FRMD3: variants seen among roughly 807,000 people sequenced by gnomAD.
The protein encoded by FRMD3 is FERM domain-containing protein 3.
FRMD3 carries 33 observed loss-of-function variants against 70.2 expected under a neutral mutation model. That is an observed-to-expected ratio of 0.47 (90% CI 0.36 to 0.63). The LOEUF is 0.63. Among genes scored for constraint, FRMD3 ranks in the 20% least tolerant of loss-of-function variants. FRMD3 has a pLI of 0.00. For missense variants in FRMD3, 632 were observed against 711.4 expected, an observed-to-expected ratio of 0.89 and a Z score of 1.27; for synonymous variants, 279 against 255.9, an observed-to-expected ratio of 1.09 and a Z score of -0.86.
chr9:83,435,845 C>A (rs796892319), intron 1 of FRMD3, among the ~76,000 whole-genome samples: 15 of 152,258 alleles, frequency 9.9e-5, no homozygotes, highest in African/African-American at 3.6e-4. Context: ...CAAGAATATA[C>A]CTTTTTCTAT....
chr9:83,286,104 C>T (rs192866480), intron 13 of FRMD3, among the ~76,000 whole-genome samples: 1 of 152,290 alleles, frequency 6.6e-6, no homozygotes, highest in East Asian at 1.9e-4. Flanking sequence ...TGGGCAATAA[C>T]ACTCTGCCCA....
At chr9:83,541,397 G>T (rs1481690774), upstream of FRMD3, among the ~76,000 whole-genome samples, 1 of 152,214 alleles carries the variant, frequency 6.6e-6, no homozygotes, top group Non-Finnish European at 1.5e-5. Flanking sequence ...TGAGAAAAAG[G>T]AAATTCCCTG....
At chr9:83,381,480 C>T (rs1399749544) in intron 2 of FRMD3, among the ~76,000 whole-genome samples, 2 of 151,516 alleles carry the variant, frequency 1.3e-5, no homozygotes, top group Non-Finnish European at 1.5e-5. Context: ...TGCTTGAACC[C>T]GGGAGGCAGA....
chr9:83,552,769 T>C, the FRMD3 span, among the ~76,000 whole-genome samples: 1 of 152,174 alleles, frequency 6.6e-6, no homozygotes, highest in African/African-American at 2.4e-5. Context: ...GTTTGAAAAC[T>C]ATTTTTCTGA....
chr9:83,346,435 C>T (rs1356979864), intron 4 of FRMD3, among the ~76,000 whole-genome samples: 1 of 152,066 alleles, frequency 6.6e-6, no homozygotes, highest in East Asian at 1.9e-4. Context: ...TGAAAAGACG[C>T]CAGACCCAAA....
intron 3 of FRMD3, among the ~76,000 whole-genome samples, chr9:83,352,881 G>C (rs142963223): frequency 0.011 from 1,657 of 152,192 alleles, 41 homozygotes; most frequent in African/African-American, 0.038. Flanking sequence ...CATATCTGCT[G>C]TTGCTGAGTC....
At chr9:83,540,326 G>C (rs924677712), upstream of FRMD3, among the ~76,000 whole-genome samples, 1 of 152,108 alleles carries the variant, frequency 6.6e-6, no homozygotes, top group Non-Finnish European at 1.5e-5. Flanking sequence ...TGACCGTTAG[G>C]CTCCAAAAGA....
chr9:83,579,281 T>C, the FRMD3 span, among the ~76,000 whole-genome samples: 1 of 151,218 alleles, frequency 6.6e-6, no homozygotes, highest in Admixed American at 6.6e-5. Context: ...AAAATTCCAA[T>C]GTCAGCTTTC....
At chr9:83,325,440 C>A (rs11140027) in intron 6 of FRMD3, among the ~76,000 whole-genome samples, 67,997 of 151,270 alleles carry the variant, frequency 0.45, 15,789 homozygotes, top group African/African-American at 0.58. Flanking sequence ...GATCCTCCCA[C>A]CTCAGCCTCC....
chr9:83,248,879 C>T (rs1378826048), intron 13 of FRMD3, among the ~76,000 whole-genome samples: 1 of 151,970 alleles, frequency 6.6e-6, no homozygotes, highest in African/African-American at 2.4e-5. Context: ...CAATATCACC[C>T]GATATATTAT....
intron 6 of FRMD3, among the ~76,000 whole-genome samples, chr9:83,328,858 A>G (rs1836130981): frequency 6.6e-6 from 1 of 152,224 alleles, no homozygotes. Flanking sequence ...CCTCTGGATA[A>G]ATTCACTGTT....
At chr9:83,565,958 C>T in the FRMD3 span, among the ~76,000 whole-genome samples, 17 of 152,200 alleles carry the variant, frequency 1.1e-4, no homozygotes, top group South Asian at 3.3e-3. Flanking sequence ...AAGTTGGGTG[C>T]TAAAGTATGA....
At chr9:83,478,421 T>C (rs1412141091) in intron 1 of FRMD3, among the ~76,000 whole-genome samples, 1 of 152,064 alleles carries the variant, frequency 6.6e-6, no homozygotes, top group Non-Finnish European at 1.5e-5. Context: ...CACTAATCAA[T>C]TGGAAAAATG....
chr9:83,480,848 A>T (rs559436517), intron 1 of FRMD3, among the ~76,000 whole-genome samples: 54 of 152,202 alleles, frequency 3.5e-4, no homozygotes, highest in Non-Finnish European at 7.1e-4. Context: ...TATTTTATAT[A>T]AGGGACTTGA....
intron 1 of FRMD3, among the ~76,000 whole-genome samples, chr9:83,429,742 CTT>C (rs1395615987): frequency 3.3e-5 from 5 of 152,204 alleles, no homozygotes; most frequent in Non-Finnish European, 7.3e-5. Context: ...TTCTCTCTCT[CTT>C]GGATTCCATT....
chr9:83,352,284 T>C (rs1824186893), intron 3 of FRMD3, among the ~76,000 whole-genome samples: 1 of 152,074 alleles, frequency 6.6e-6, no homozygotes, highest in South Asian at 2.1e-4. Context: ...AGCAGAAAAA[T>C]AAAGTCCCCT....
rs143378521 is a variant in FRMD3 at position 83,255,229 on chromosome 9, C to T, written c.1196-6713G>A. Among the ~76,000 whole-genome samples the T allele has an allele frequency of 4.1e-3, 622 of 152,230 alleles. 8 individuals carry two copies. Among genetic ancestry groups the T allele is most frequent in the African/African-American group, 0.015 (603 of 41,560 alleles). Reference sequence around the variant, plus strand: ...CAGGATGCAAGGTTGGTTCAACATACACAAATCAATAACTGTAATTCATCA... The same window carrying T: ...CAGGATGCAAGGTTGGTTCAACATATACAAATCAATAACTGTAATTCATCA... On this transcript the variant is annotated intron_variant, in intron 13 of 13. Coordinates refer to ENST00000304195, the MANE Select transcript of FRMD3 (RefSeq NM_174938.6).
At chr9:83,418,209 T>A (rs1826514264) in intron 1 of FRMD3, among the ~76,000 whole-genome samples, 1 of 151,928 alleles carries the variant, frequency 6.6e-6, no homozygotes, top group Non-Finnish European at 1.5e-5. Flanking sequence ...CTTCTAGACA[T>A]CAACCTCGGC....
At chr9:83,430,752 AG>A (rs1470805142) in intron 1 of FRMD3, among the ~76,000 whole-genome samples, 4 of 152,258 alleles carry the variant, frequency 2.6e-5, no homozygotes, top group Non-Finnish European at 5.9e-5. Context: ...TAAAAATTAC[AG>A]ATTTCCCTAA....
Sources: allele counts gnomAD v4.1 joint callset (sites outside exome capture counted in the v4.1 genomes callset), GRCh38; gene constraint gnomAD v4.1.1; transcripts MANE v1.5; gene names NCBI Gene and HGNC (gene_info 2026-07-23, HGNC 2026-07-21).